Variants in RAD51B observed in about 807,000 individuals in gnomAD.
RAD51B encodes RAD51 paralog B, also known as DNA repair protein RAD51 homolog 2.
RAD51B carries 38 observed loss-of-function variants against 42.2 expected under a neutral mutation model. That is an observed-to-expected ratio of 0.90 (90% CI 0.70 to 1.18). RAD51B has a LOEUF of 1.18. RAD51B is among the 50% of genes most tolerant of loss of function. The pLI, the probability that RAD51B is intolerant of heterozygous loss-of-function variation, is 0.00. For synonymous variants in RAD51B, 154 were observed against 145.2 expected, an observed-to-expected ratio of 1.06 and a Z score of -0.43; for missense variants, 373 against 400.7, an observed-to-expected ratio of 0.93 and a Z score of 0.59.
At position 68,373,536 on chromosome 14, in the gene RAD51B, G is replaced by A. The variant is rs143849743; in HGVS notation, c.854-37888G>A. Among the ~76,000 whole-genome samples the A allele has an allele frequency of 3.7e-4, 57 of 152,226 alleles. 1 individual carries two copies. The East Asian group carries it at 0.01, about 27-fold the overall frequency. On this transcript the variant is annotated intron_variant, in intron 8 of 10. Transcript: ENST00000471583. ...ACGCAGGAACAGAAAACCAAACACT[G>A]CATGTTCTCAGTCATAAGTGGGATT... is the stretch of plus-strand genomic sequence containing the variant.
intron 7 of RAD51B, among the ~76,000 whole-genome samples, chr14:68,207,209 T>C (rs976762656): frequency 2.0e-5 from 3 of 150,834 alleles, no homozygotes; most frequent in African/African-American, 7.3e-5. Context: ...TGGGGAAAAA[T>C]ACACACACAC....
intron 7 of RAD51B, among the ~76,000 whole-genome samples, chr14:67,959,870 A>G (rs2074626035): frequency 6.6e-6 from 1 of 152,168 alleles, no homozygotes; most frequent in South Asian, 2.1e-4. Context: ...ACTTGCGGTC[A>G]GGAGTTTGAA....
intron 9 of RAD51B, chr14:68,421,845 G>C: frequency 6.3e-7 from 1 of 1,594,898 alleles, no homozygotes; most frequent in South Asian, 1.1e-5. Flanking sequence ...CTCAGTCTTG[G>C]CAGTGCAGAT....
chr14:67,825,490 G>A lies in RAD51B; in HGVS notation c.111G>A (p.Glu37=), dbSNP rs774088218. 1.2e-6 allele frequency: 2 copies of A among 1,613,240 alleles called. No homozygotes were observed. The highest frequency in any genetic ancestry group is 1.7e-6 in the Non-Finnish European group (2 of 1,179,610). ...CQDFLCLSPL[E]LMKVTGLSYR... ...ACTTTTTATGTCTTTCCCCACTGGA[G>A]CTTATGAAGGTGACTGGTCTGAGTT... The change falls in exon 3 of 11, where the codon GAG becomes GAA. Residue 37 remains glutamate (E), a synonymous_variant. Transcript: ENST00000471583.
chr14:68,342,662 G>C lies in RAD51B; in HGVS notation c.853+50682G>C, dbSNP rs76574573. 7.3e-3 allele frequency among the ~76,000 whole-genome samples: 1,115 copies of C among 152,238 alleles called. 10 individuals are homozygous for C. The highest frequency in any genetic ancestry group is 0.023 in the African/African-American group (971 of 41,522). On this transcript the variant is annotated intron_variant, in intron 8 of 10. Transcript: ENST00000471583. ...AAAGATTTCCTTACCATAAAGTGAA[G>C]CCCATCAAGTGAAAGCAAGTAGAAA...
intron 7 of RAD51B, among the ~76,000 whole-genome samples, chr14:67,905,025 A>G (rs751932161): frequency 1.1e-3 from 156 of 146,174 alleles, no homozygotes; most frequent in Non-Finnish European, 1.9e-3. Context: ...GTTTTCTTCT[A>G]TGGTTTTTGT....
At position 68,568,913 on chromosome 14, in the gene RAD51B, T is replaced by C. The variant is rs143376634; in HGVS notation, c.1037-25572T>C. On this transcript the variant is annotated intron_variant, in intron 10 of 10. Coordinates refer to the RAD51B transcript ENST00000487270. ...CAAAAATAGAGTTGTTTCTTCCCCCTGCATGGCTTCCTCTCCCCAACCCAG... is the reference window on the plus strand; with the variant it reads ...CAAAAATAGAGTTGTTTCTTCCCCCCGCATGGCTTCCTCTCCCCAACCCAG... Among the ~76,000 whole-genome samples the C allele has an allele frequency of 2.4e-4, 36 of 152,322 alleles. No homozygotes were observed. In the East Asian group the frequency reaches 6.9e-3, roughly 29 times the overall value.
At chr14:68,521,909 A>C (rs1039226959) in intron 10 of RAD51B, among the ~76,000 whole-genome samples, 1 of 152,236 alleles carries the variant, frequency 6.6e-6, no homozygotes, top group Non-Finnish European at 1.5e-5. Context: ...AGTTAACCAT[A>C]ACATAGGGTT....
intron 7 of RAD51B, among the ~76,000 whole-genome samples, chr14:68,274,292 C>G (rs906994485): frequency 1.3e-5 from 2 of 152,132 alleles, no homozygotes; most frequent in African/African-American, 4.8e-5. Flanking sequence ...TGTAAGCATT[C>G]ATGGCAGAGC....
intron 7 of RAD51B, among the ~76,000 whole-genome samples, chr14:68,216,916 G>A (rs2079827539): frequency 6.6e-6 from 1 of 152,106 alleles, no homozygotes; most frequent in South Asian, 2.1e-4. Context: ...TATTTCATGA[G>A]GCCTTTGATC....
chr14:68,358,034 A>G (rs1470866417), intron 8 of RAD51B, among the ~76,000 whole-genome samples: 1 of 152,196 alleles, frequency 6.6e-6, no homozygotes, highest in Non-Finnish European at 1.5e-5. Context: ...GCCTGAGAAG[A>G]GGAAAAGATG....
intron 7 of RAD51B, among the ~76,000 whole-genome samples, chr14:67,961,056 G>C (rs2074654830): frequency 6.6e-6 from 1 of 152,148 alleles, no homozygotes; most frequent in Admixed American, 6.6e-5. Flanking sequence ...TGTTCAGGCT[G>C]AGTGCAGTGG....
At chr14:68,227,583 A>T (rs151044496) in intron 7 of RAD51B, among the ~76,000 whole-genome samples, 3 of 152,156 alleles carry the variant, frequency 2.0e-5, no homozygotes, top group Admixed American at 6.6e-5. Flanking sequence ...AATATTTCCA[A>T]TGTAGCGATA....
intron 7 of RAD51B, among the ~76,000 whole-genome samples, chr14:68,198,587 T>C (rs1227892735): frequency 6.6e-6 from 1 of 152,178 alleles, no homozygotes; most frequent in African/African-American, 2.4e-5. Context: ...TCTCTCCCAA[T>C]TGATTAGGTC....
At chr14:68,051,630 T>C (rs2076395313) in intron 7 of RAD51B, among the ~76,000 whole-genome samples, 1 of 152,056 alleles carries the variant, frequency 6.6e-6, no homozygotes, top group Admixed American at 6.6e-5. Flanking sequence ...GGATCTTGCT[T>C]TGTTGCCCAG....
rs111420646 is a variant in RAD51B at position 68,546,448 on chromosome 14, T to C, written c.1037-48037T>C. ...GTGAAGAGGGGCTTGTTATGGGAAG[T>C]AAGGGAGCATAGATAGTGAGATCAG... On this transcript the variant is annotated intron_variant, in intron 10 of 10. Transcript: ENST00000487270. 2.1e-3 allele frequency among the ~76,000 whole-genome samples: 326 copies of C among 152,100 alleles called. 1 individual carries two copies. The highest frequency in any genetic ancestry group is 7.6e-3 in the African/African-American group (314 of 41,470).
intron 10 of RAD51B, among the ~76,000 whole-genome samples, chr14:68,498,427 G>T (rs1050082240): frequency 6.6e-6 from 1 of 152,160 alleles, no homozygotes; most frequent in African/African-American, 2.4e-5. Context: ...TTTCCAGTTA[G>T]TCCCCACTAC....
intron 7 of RAD51B, among the ~76,000 whole-genome samples, chr14:68,261,778 T>A (rs1378424843): frequency 6.6e-6 from 1 of 151,156 alleles, no homozygotes; most frequent in Non-Finnish European, 1.5e-5. Flanking sequence ...GAACTGGGAC[T>A]CACATTCACC....
At chr14:68,021,171 T>C (rs1315189595) in intron 7 of RAD51B, among the ~76,000 whole-genome samples, 1 of 152,158 alleles carries the variant, frequency 6.6e-6, no homozygotes, top group African/African-American at 2.4e-5. Flanking sequence ...TTTTCACATA[T>C]AATTATTATT....
Sources: allele counts gnomAD v4.1 joint callset (sites outside exome capture counted in the v4.1 genomes callset), GRCh38; gene constraint gnomAD v4.1.1; transcripts MANE v1.5; gene names NCBI Gene and HGNC (gene_info 2026-07-23, HGNC 2026-07-21).